The following PDE11A variants were observed in gnomAD, a reference collection of about 807,000 sequenced individuals.
PDE11A encodes the protein phosphodiesterase 11A.
PDE11A carries 100 observed loss-of-function variants against 100.5 expected under a neutral mutation model. That is an observed-to-expected ratio of 1.00 (90% CI 0.85 to 1.18). The LOEUF (loss-of-function observed/expected upper bound fraction) is 1.18. PDE11A is among the 50% of genes most tolerant of loss of function. PDE11A has a pLI of 0.00. For synonymous variants in PDE11A, 381 were observed against 420.8 expected, an observed-to-expected ratio of 0.91 and a Z score of 1.16; for missense variants, 1,141 against 1,152.6, an observed-to-expected ratio of 0.99 and a Z score of 0.15.
At chr2:177,695,119 TGG>T (rs551610004) in intron 15 of PDE11A, among the ~76,000 whole-genome samples, 1 of 149,372 alleles carries the variant, frequency 6.7e-6, no homozygotes, top group African/African-American at 2.5e-5. Flanking sequence ...GAGTTGTGTG[TGG>T]GGGGGGAGGG....
At chr2:177,946,845 GC>G (rs1156441665) in intron 2 of PDE11A, among the ~76,000 whole-genome samples, 6 of 82,218 alleles carry the variant, frequency 7.3e-5, no homozygotes, top group African/African-American at 1.0e-4. Flanking sequence ...GGGGGGGTCA[GC>G]CCCCCTGCCC....
At chr2:177,780,505 G>A (rs1271854650) in intron 9 of PDE11A, among the ~76,000 whole-genome samples, 4 of 152,152 alleles carry the variant, frequency 2.6e-5, no homozygotes, top group African/African-American at 7.2e-5. Context: ...CCTGTGCTTT[G>A]AAGACATTGA....
At chr2:177,685,786 C>T (rs945871810) in intron 15 of PDE11A, among the ~76,000 whole-genome samples, 3 of 152,108 alleles carry the variant, frequency 2.0e-5, no homozygotes, top group African/African-American at 4.8e-5. Flanking sequence ...AGGCCAGTCT[C>T]GAACTCCAGA....
chr2:177,821,683 T>C (rs939857283), intron 6 of PDE11A, among the ~76,000 whole-genome samples: 4 of 151,964 alleles, frequency 2.6e-5, no homozygotes, highest in Non-Finnish European at 5.9e-5. Context: ...TATGTGGTTA[T>C]ATCTCCTTGT....
chr2:177,725,531 T>C (rs1489343367), intron 12 of PDE11A, among the ~76,000 whole-genome samples: 1 of 152,118 alleles, frequency 6.6e-6, no homozygotes, highest in Non-Finnish European at 1.5e-5. Flanking sequence ...GTCTCCTCTT[T>C]CTGTGTTAGC....
chr2:177,945,762 CATCCGGGAGGGAGGTGGGGG>C (rs2085410210), intron 2 of PDE11A, among the ~76,000 whole-genome samples: 1 of 151,314 alleles, frequency 6.6e-6, no homozygotes, highest in African/African-American at 2.4e-5. Flanking sequence ...CCAGCTGCCC[CATCCGGGAGGGAGGTGGGGG>C]GTCAGCCCCC....
chr2:177,737,420 T>TAC (rs567621311), intron 10 of PDE11A, among the ~76,000 whole-genome samples: 4,843 of 110,494 alleles, frequency 0.044, 519 homozygotes, highest in Non-Finnish European at 0.066. Context: ...CTACTAAAAA[T>TAC]ACACACACAC....
At chr2:178,047,615 C>T (rs2086768148) in intron 1 of PDE11A, among the ~76,000 whole-genome samples, 1 of 152,042 alleles carries the variant, frequency 6.6e-6, no homozygotes, top group Admixed American at 6.6e-5. Context: ...AGCCCAGAGC[C>T]CCTCTGGTAA....
intron 12 of PDE11A, among the ~76,000 whole-genome samples, chr2:177,719,291 A>C (rs1037869809): frequency 6.6e-6 from 1 of 152,238 alleles, no homozygotes; most frequent in Admixed American, 6.5e-5. Context: ...GAGATGTAGC[A>C]GATGGCAAAC....
At chr2:177,643,558 A>C (rs1365362218) in intron 19 of PDE11A, among the ~76,000 whole-genome samples, 2 of 152,224 alleles carry the variant, frequency 1.3e-5, no homozygotes, top group African/African-American at 4.8e-5. Flanking sequence ...ACACAGCATA[A>C]AAGTTTGGAA....
intron 6 of PDE11A, among the ~76,000 whole-genome samples, chr2:177,835,629 C>T (rs886481589): frequency 6.6e-6 from 1 of 152,142 alleles, no homozygotes; most frequent in Admixed American, 6.5e-5. Context: ...TCTGGGCTGG[C>T]CAAGGCTGAA....
chr2:177,812,682 C>T (rs7558301), intron 9 of PDE11A, among the ~76,000 whole-genome samples: 44,548 of 151,970 alleles, frequency 0.29, 7,380 homozygotes, highest in African/African-American at 0.45. Context: ...TGCATCCTAG[C>T]TATGAGCAGA....
chr2:177,888,104 A>T (rs1014076730), intron 4 of PDE11A, among the ~76,000 whole-genome samples: 4 of 152,230 alleles, frequency 2.6e-5, no homozygotes, highest in Admixed American at 2.6e-4. Flanking sequence ...AATTAGATAC[A>T]TTTCAATCAA....
At chr2:177,732,203 T>C (rs373378714) in intron 10 of PDE11A, among the ~76,000 whole-genome samples, 32 of 152,302 alleles carry the variant, frequency 2.1e-4, no homozygotes, top group African/African-American at 7.2e-4. Flanking sequence ...AACTCACTTA[T>C]TAGGCTGTAA....
rs76269947 is a variant in PDE11A, at chr2:177,706,198, G to A, written c.2154-4987C>T. ...CGAAAGCCACACTTTTTATTGTAGA[G>A]GCATTTTGCATTTTATATAGTAATT... On this transcript the variant is annotated intron_variant, in intron 13 of 19. Coordinates refer to ENST00000286063, the MANE Select transcript of PDE11A (RefSeq NM_016953.4). Among the ~76,000 whole-genome samples, 478 of 152,230 alleles carry A rather than the reference G, an allele frequency of 3.1e-3. 3 individuals carry two copies. The highest frequency in any genetic ancestry group is 0.011 in the African/African-American group (442 of 41,530).
At chr2:177,860,466 T>G (rs1332688868) in intron 5 of PDE11A, among the ~76,000 whole-genome samples, 1 of 151,752 alleles carries the variant, frequency 6.6e-6, no homozygotes, top group Non-Finnish European at 1.5e-5. Flanking sequence ...TAAAAATATT[T>G]CCACAAAGAA....
At chr2:177,944,053 C>T (rs950047287) in intron 2 of PDE11A, among the ~76,000 whole-genome samples, 2 of 152,114 alleles carry the variant, frequency 1.3e-5, no homozygotes, top group Admixed American at 1.3e-4. Flanking sequence ...TTACAGTATG[C>T]TGTCAAACGT....
intron 19 of PDE11A, among the ~76,000 whole-genome samples, chr2:177,640,755 C>G (rs1382710424): frequency 6.6e-6 from 1 of 152,208 alleles, no homozygotes; most frequent in African/African-American, 2.4e-5. Flanking sequence ...GCCAGAAACT[C>G]AGTGGACGGA....
At chr2:177,925,555 C>T (rs34644164) in intron 2 of PDE11A, among the ~76,000 whole-genome samples, 9,587 of 152,120 alleles carry the variant, frequency 0.063, 315 homozygotes, top group South Asian at 0.094. Flanking sequence ...TCATGTCCTT[C>T]GCCCACTTTT....
Sources: gnomAD v4.1 joint callset for allele counts (sites outside exome capture counted in the v4.1 genomes callset) on GRCh38, gnomAD v4.1.1 for gene constraint, MANE v1.5 for transcripts, NCBI Gene and HGNC (gene_info 2026-07-23, HGNC 2026-07-21) for gene names.